The following MYO5B variants were observed in gnomAD, a reference collection of about 807,000 sequenced individuals.
MYO5B encodes the protein unconventional myosin-Vb.
A neutral mutation model predicts 229.3 loss-of-function variants in MYO5B; 143 were observed. That is an observed-to-expected ratio of 0.62 (90% CI 0.54 to 0.72). The LOEUF is 0.72. Among genes scored for constraint, MYO5B ranks in the 30% least tolerant of loss-of-function variants. MYO5B has a pLI of 0.00. For synonymous variants in MYO5B, 918 were observed against 885.2 expected, an observed-to-expected ratio of 1.04 and a Z score of -0.66; for missense variants, 2,321 against 2,331.0, an observed-to-expected ratio of 1.00 and a Z score of 0.09.
At chr18:49,890,274 G>A (rs184997984) in intron 22 of MYO5B, among the ~76,000 whole-genome samples, 9 of 152,300 alleles carry the variant, frequency 5.9e-5, no homozygotes, top group Admixed American at 2.0e-4. Flanking sequence ...AGTGGGAGAT[G>A]CTTTAACAAC....
intron 22 of MYO5B, among the ~76,000 whole-genome samples, chr18:49,882,036 G>A (rs1333507217): frequency 6.6e-6 from 1 of 152,084 alleles, no homozygotes; most frequent in Non-Finnish European, 1.5e-5. Flanking sequence ...TTCTGCAGGA[G>A]GCTGTCAAGT....
At chr18:49,946,650 G>A (rs1378717025) in intron 14 of MYO5B, among the ~76,000 whole-genome samples, 1 of 137,384 alleles carries the variant, frequency 7.3e-6, no homozygotes. Flanking sequence ...TTGTACCTAA[G>A]CTGGCACTGT....
intron 1 of MYO5B, among the ~76,000 whole-genome samples, chr18:50,069,373 C>A (rs2030898600): frequency 6.6e-6 from 1 of 152,156 alleles, no homozygotes. Flanking sequence ...AGTTCCACCA[C>A]TCACGGCAGG....
At position 49,861,391 on chromosome 18, in the gene MYO5B, G is replaced by A. The variant is rs77932507; in HGVS notation, c.3944+1836C>T. Among the ~76,000 whole-genome samples, 559 of 152,216 alleles carry A rather than the reference G, an allele frequency of 3.7e-3. 4 individuals are homozygous for A. Among genetic ancestry groups the A allele is most frequent in the African/African-American group, 0.012 (480 of 41,538 alleles). On this transcript the variant is annotated intron_variant, in intron 29 of 39. Transcript: ENST00000285039. ...ACGGCTCTGAAGATCGGGGAGATAC[G>A]CACACCGCTTGTCAGACCAAGCACA...
intron 18 of MYO5B, 34 bp downstream of exon 18, chr18:49,912,028 C>T (rs755710832): frequency 3.9e-6 from 6 of 1,551,306 alleles, no homozygotes; most frequent in Middle Eastern, 3.4e-4. Context: ...GGGACCTGGT[C>T]AGGCCTCTCC....
intron 1 of MYO5B, among the ~76,000 whole-genome samples, chr18:50,109,432 T>C (rs112828259): frequency 1.6e-5 from 2 of 128,632 alleles, no homozygotes; most frequent in Admixed American, 7.5e-5. Context: ...TTTTCTTTTT[T>C]TTTTTTTTTT....
chr18:50,119,519 G>C (rs2032023363), intron 1 of MYO5B, among the ~76,000 whole-genome samples: 1 of 152,070 alleles, frequency 6.6e-6, no homozygotes, highest in African/African-American at 2.4e-5. Context: ...CGCATGACAG[G>C]GTCAGAGAGA....
intron 4 of MYO5B, among the ~76,000 whole-genome samples, chr18:50,024,966 G>C (rs2026314718): frequency 6.6e-6 from 1 of 152,144 alleles, no homozygotes; most frequent in Admixed American, 6.5e-5. Flanking sequence ...GGGAAGAAGG[G>C]AGTGGGAAAA....
chr18:50,124,445 G>A (rs533619780), intron 1 of MYO5B, among the ~76,000 whole-genome samples: 1 of 152,202 alleles, frequency 6.6e-6, no homozygotes, highest in African/African-American at 2.4e-5. Flanking sequence ...TTCCTATTAT[G>A]GGAGTCATCG....
rs948956825 is a variant in MYO5B, at chr18:49,978,736, CACACACACAA to C, written c.1056+1698_1056+1707del. 1.1e-4 allele frequency among the ~76,000 whole-genome samples: 10 copies of C among 94,152 alleles called. No homozygotes were observed. In the South Asian group the frequency reaches 1.8e-3, roughly 17 times the overall value. The allele number at this position is 94,152 out of a possible 152,430, so 61.8% of individuals were successfully genotyped here. ...ACACACACACACACACACACACACA[CACACACACAA>C]AATGCTCAGCCCCACAGAGGAGAGG... On this transcript the variant is annotated intron_variant, in intron 9 of 39. Transcript: ENST00000285039.
intron 4 of MYO5B, among the ~76,000 whole-genome samples, chr18:50,013,127 G>A (rs927088827): frequency 6.6e-6 from 1 of 152,166 alleles, no homozygotes; most frequent in Non-Finnish European, 1.5e-5. Flanking sequence ...AAACACATCT[G>A]AGTCCTTGAA....
chr18:49,886,958 T>C (rs2024649816), intron 22 of MYO5B, among the ~76,000 whole-genome samples: 1 of 152,172 alleles, frequency 6.6e-6, no homozygotes, highest in Non-Finnish European at 1.5e-5. Flanking sequence ...GTTTGGACGT[T>C]CATTTCCTCC....
rs571581828 is a variant in MYO5B at position 50,168,595 on chromosome 18, G to A, written c.27+26172C>T. On this transcript the variant is annotated intron_variant, in intron 1 of 39. Coordinates refer to ENST00000285039, the MANE Select transcript of MYO5B (RefSeq NM_001080467.3). ...CAGGACAGATGTGCTCCAGACAGAGGGGAGGGTCTCCAGGACCCTCCCCAC... is the reference window on the plus strand; with the variant it reads ...CAGGACAGATGTGCTCCAGACAGAGAGGAGGGTCTCCAGGACCCTCCCCAC... 6.2e-4 allele frequency among the ~76,000 whole-genome samples: 81 copies of A among 131,330 alleles called. 13 individuals carry two copies. Among genetic ancestry groups the A allele is most frequent in the African/African-American group, 2.1e-3 (73 of 35,164 alleles). 86.2% of individuals were successfully genotyped at this position (131,330 alleles called of 152,430 possible).
At chr18:49,874,553 G>A (rs1267219580) in intron 26 of MYO5B, among the ~76,000 whole-genome samples, 1 of 152,038 alleles carries the variant, frequency 6.6e-6, no homozygotes, top group African/African-American at 2.4e-5. Context: ...TACTGCTCAG[G>A]GGGAAAAAAA....
At chr18:49,852,749 T>C (rs1049719572) in intron 31 of MYO5B, among the ~76,000 whole-genome samples, 6 of 152,164 alleles carry the variant, frequency 3.9e-5, no homozygotes, top group African/African-American at 1.4e-4. Context: ...CTCCATGATT[T>C]ACATCCCCTT....
At chr18:50,074,829 T>C (rs1429854944) in intron 1 of MYO5B, among the ~76,000 whole-genome samples, 1 of 152,146 alleles carries the variant, frequency 6.6e-6, no homozygotes, top group Non-Finnish European at 1.5e-5. Flanking sequence ...GGGGTTTTTT[T>C]GTTTGTTTTG....
At position 49,843,270 on chromosome 18, in the gene MYO5B, T is replaced by G. The variant is rs774148153; in HGVS notation, c.4582A>C (p.Thr1528Pro). 3 of 1,613,926 alleles carry G rather than the reference T, an allele frequency of 1.9e-6. No individual in the cohort carries two copies. The Admixed American group carries it at 5.0e-5, about 27-fold the overall frequency. The change falls in exon 34 of 40, where the codon ACC (threonine) becomes CCC (proline). Residue 1528 changes from threonine (T) to proline (P), a missense_variant. Physicochemically the swap from Thr to Pro is conservative, Grantham distance 38. Transcript: ENST00000285039. ...DLKVHSLLTSTINGIKKVLKK... is the reference protein window; with the variant it reads ...DLKVHSLLTSPINGIKKVLKK... ...AGGACTTTCTTAATGCCGTTGATGG[T>G]GGAGGTCAGCAGGGAGTGCACCTTG...
chr18:49,997,965 C>A (rs1166992876), intron 5 of MYO5B, among the ~76,000 whole-genome samples: 2 of 152,284 alleles, frequency 1.3e-5, no homozygotes, highest in East Asian at 3.9e-4. Context: ...TTAAGACATG[C>A]TCTGTGCTGG....
At chr18:50,085,928 G>A (rs560640118) in intron 1 of MYO5B, among the ~76,000 whole-genome samples, 2 of 151,970 alleles carry the variant, frequency 1.3e-5, no homozygotes, top group Admixed American at 6.6e-5. Context: ...GGTGGGGAGA[G>A]GGGGGAGGGA....
Sources: allele counts gnomAD v4.1 joint callset (sites outside exome capture counted in the v4.1 genomes callset), GRCh38; gene constraint gnomAD v4.1.1; transcripts MANE v1.5; gene names NCBI Gene and HGNC (gene_info 2026-07-23, HGNC 2026-07-21).